The following ACOT12 variants were observed in gnomAD, a reference collection of about 807,000 sequenced individuals.
The protein encoded by ACOT12 is acyl-CoA thioesterase 12, also known as acetyl-coenzyme A thioesterase.
A neutral mutation model predicts 67.7 loss-of-function variants in ACOT12; 51 were observed. That is an observed-to-expected ratio of 0.75 (90% CI 0.60 to 0.95). The LOEUF (loss-of-function observed/expected upper bound fraction) is 0.95, where lower values mean the gene tolerates loss of function less well. Among genes scored for constraint, ACOT12 ranks in the 40% least tolerant of loss-of-function variants. ACOT12 has a pLI of 0.00. For missense variants in ACOT12, 734 were observed against 708.1 expected (o/e 1.04, Z -0.41); for synonymous variants, 251 against 244.6 (o/e 1.03, Z -0.24).
At chr5:81,367,850 G>A (rs1386906938) in intron 3 of ACOT12, among the ~76,000 whole-genome samples, 1 of 152,118 alleles carries the variant, frequency 6.6e-6, no homozygotes, top group Non-Finnish European at 1.5e-5. Flanking sequence ...AAAAAGACAG[G>A]TTAAGAGAAA....
chr5:81,341,544 C>T (rs1285614039), intron 11 of ACOT12, among the ~76,000 whole-genome samples: 1 of 152,216 alleles, frequency 6.6e-6, no homozygotes, highest in Admixed American at 6.5e-5. Flanking sequence ...ATTTCATAGG[C>T]TGCTGCTTCA....
the ACOT12 span, among the ~76,000 whole-genome samples, chr5:81,313,560 T>C: frequency 1.3e-5 from 2 of 152,214 alleles, no homozygotes; most frequent in East Asian, 3.8e-4. Flanking sequence ...TTTGTTTGAT[T>C]TGATGAATTC....
chr5:81,393,160 A>C (rs1272398603), intron 1 of ACOT12, among the ~76,000 whole-genome samples: 1 of 152,222 alleles, frequency 6.6e-6, no homozygotes, highest in Non-Finnish European at 1.5e-5. Flanking sequence ...GTGTGGTAGC[A>C]GCAGGGTGAA....
the ACOT12 span, among the ~76,000 whole-genome samples, chr5:81,314,176 C>T: frequency 6.6e-6 from 1 of 152,046 alleles, no homozygotes; most frequent in Admixed American, 6.6e-5. Flanking sequence ...ACAATCTTGG[C>T]TTACTGCAAC....
chr5:81,335,443 T>C (rs1394595556), intron 12 of ACOT12, among the ~76,000 whole-genome samples: 1 of 152,142 alleles, frequency 6.6e-6, no homozygotes, highest in African/African-American at 2.4e-5. Flanking sequence ...TGGCTCACTG[T>C]AGCCTTGACC....
chr5:81,381,929 C>G (rs965302731), intron 2 of ACOT12, among the ~76,000 whole-genome samples: 4 of 152,094 alleles, frequency 2.6e-5, no homozygotes, highest in African/African-American at 7.2e-5. Flanking sequence ...AGATGAGATA[C>G]AGTTTGAGAA....
In ACOT12 at chr5:81,353,186, G is replaced by A. The variant is rs79501449; in HGVS notation, c.497-5256C>T. On this transcript the variant is annotated intron_variant, in intron 5 of 14. Coordinates refer to ENST00000307624, the MANE Select transcript of ACOT12 (RefSeq NM_130767.3). The stretch of plus-strand genomic sequence containing the variant: ...GAACCTGTAGAGGGAGGTGCTAGGT[G>A]AGATTATACGTGCACCAGCATCAGC... Among the ~76,000 whole-genome samples the A allele has an allele frequency of 6.3e-3, 954 of 152,338 alleles. 6 individuals carry two copies. The highest frequency in any genetic ancestry group is 0.02 in the African/African-American group (849 of 41,580).
chr5:81,331,397 C>G (rs1459501639), intron 13 of ACOT12, among the ~76,000 whole-genome samples: 1 of 152,066 alleles, frequency 6.6e-6, no homozygotes, highest in Non-Finnish European at 1.5e-5. Flanking sequence ...ATTAGCTGAC[C>G]ATGGTGGCGC....
At chr5:81,314,878 C>T in the ACOT12 span, among the ~76,000 whole-genome samples, 14 of 152,270 alleles carry the variant, frequency 9.2e-5, no homozygotes, top group Admixed American at 7.2e-4. Flanking sequence ...GTGATGCAAT[C>T]GTAGCTCACT....
chr5:81,344,925 A>T lies in ACOT12; in HGVS notation c.890T>A (p.Leu297His). The T allele has an allele frequency of 6.2e-7, 1 of 1,614,190 alleles. No homozygotes were observed. Among genetic ancestry groups the T allele is most frequent in the Non-Finnish European group, 8.5e-7 (1 of 1,180,030 alleles). The change falls in exon 8 of 15, where the codon CTC (leucine) becomes CAC (histidine). Residue 297 changes from leucine to histidine, a missense_variant. By Grantham distance (99) the Leu-to-His change is moderately conservative. Transcript: ENST00000307624. The part of the protein sequence containing the change: ...IYNAADDKEN[L>H]ITFPRIQPIS... ...GGGTTGGATTCTGGGAAACGTGATGAGATTTTCCTTATCATCAGCAGCATT... is the reference window on the plus strand; with the variant it reads ...GGGTTGGATTCTGGGAAACGTGATGTGATTTTCCTTATCATCAGCAGCATT...
downstream of ACOT12, among the ~76,000 whole-genome samples, chr5:81,326,117 C>CTTTTTTTTTTTT (rs1199895738): frequency 2.6e-5 from 2 of 77,030 alleles, no homozygotes; most frequent in Admixed American, 2.0e-4. Context: ...CCCTGAGATT[C>CTTTTTTTTTTTT]TTTTTTTTTT....
chr5:81,353,048 G>T (rs1045516322), intron 5 of ACOT12, among the ~76,000 whole-genome samples: 1 of 152,116 alleles, frequency 6.6e-6, no homozygotes, highest in African/African-American at 2.4e-5. Context: ...TTAAGAGAAG[G>T]CCTTATGAGA....
intron 2 of ACOT12, among the ~76,000 whole-genome samples, chr5:81,384,483 T>G (rs1404039550): frequency 1.3e-5 from 2 of 152,128 alleles, no homozygotes; most frequent in African/African-American, 4.8e-5. Context: ...TACTGTATCT[T>G]TTTAATGTTT....
intron 5 of ACOT12, among the ~76,000 whole-genome samples, chr5:81,354,862 C>T (rs997649846): frequency 6.6e-5 from 10 of 152,152 alleles, no homozygotes; most frequent in African/African-American, 2.4e-4. Context: ...CACCACCACG[C>T]CTGGCTAATT....
At chr5:81,327,949 C>A (rs958712747), downstream of ACOT12, among the ~76,000 whole-genome samples, 3 of 152,078 alleles carry the variant, frequency 2.0e-5, no homozygotes, top group Non-Finnish European at 4.4e-5. Context: ...AGCTGCTTAC[C>A]CTTGGAGCAA....
chr5:81,313,631 A>T, the ACOT12 span, among the ~76,000 whole-genome samples: 1 of 152,234 alleles, frequency 6.6e-6, no homozygotes, highest in Non-Finnish European at 1.5e-5. Flanking sequence ...GTATAATGGA[A>T]TGACTCTAGT....
At chr5:81,335,709 A>G (rs189598373) in intron 12 of ACOT12, 59 bp downstream of exon 12, 16 of 1,545,870 alleles carry the variant, frequency 1.0e-5, no homozygotes, top group African/African-American at 2.8e-5. Context: ...TTCAGTATGG[A>G]GATCATCTTT....
At chr5:81,312,832 C>G in the ACOT12 span, 2 of 471,594 alleles carry the variant, frequency 4.2e-6, no homozygotes, top group Admixed American at 7.6e-5. Context: ...AATAGTACTT[C>G]TACCACTGTT....
chr5:81,358,409 C>T (rs193005047), intron 5 of ACOT12, among the ~76,000 whole-genome samples: 6 of 152,298 alleles, frequency 3.9e-5, no homozygotes, highest in Admixed American at 3.9e-4. Flanking sequence ...GCCTCAGCAG[C>T]TTCTCTTGGT....
Sources: gnomAD v4.1 joint callset for allele counts (sites outside exome capture counted in the v4.1 genomes callset) on GRCh38, gnomAD v4.1.1 for gene constraint, MANE v1.5 for transcripts, NCBI Gene and HGNC (gene_info 2026-07-23, HGNC 2026-07-21) for gene names.